The following CDH12 variants were observed in gnomAD, a reference collection of about 807,000 sequenced individuals.
CDH12 encodes the protein cadherin 12, also known as cadherin-12.
Under a neutral mutation model 74.1 loss-of-function variants are expected in CDH12, and 41 were observed. The observed-to-expected ratio is 0.55, with a 90% CI of 0.43 to 0.72. The LOEUF is 0.72. Among genes scored for constraint, CDH12 ranks in the 30% least tolerant of loss-of-function variants. The pLI, the probability that CDH12 is intolerant of heterozygous loss-of-function variation, is 0.00. For synonymous variants in CDH12, 399 were observed against 355.0 expected (o/e 1.12, Z -1.39); for missense variants, 945 against 977.2 (o/e 0.97, Z 0.44).
intron 1 of CDH12, among the ~76,000 whole-genome samples, chr5:22,598,391 A>T (rs1736699952): frequency 6.6e-6 from 1 of 152,072 alleles, no homozygotes; most frequent in African/African-American, 2.4e-5. Flanking sequence ...TTCGCATGAG[A>T]TCTGATGGTT....
At chr5:22,042,918 A>G (rs1405788549) in intron 5 of CDH12, among the ~76,000 whole-genome samples, 1 of 147,094 alleles carries the variant, frequency 6.8e-6, no homozygotes, top group Non-Finnish European at 1.5e-5. Context: ...AAAAATTCAT[A>G]ATAGACCTAT....
At chr5:22,099,524 G>A (rs1484721960) in intron 4 of CDH12, among the ~76,000 whole-genome samples, 3 of 152,120 alleles carry the variant, frequency 2.0e-5, no homozygotes, top group Non-Finnish European at 4.4e-5. Flanking sequence ...TTAGGCCCCA[G>A]TCTCATTCCA....
At chr5:22,247,487 C>A (rs764415088) in intron 3 of CDH12, among the ~76,000 whole-genome samples, 7 of 151,986 alleles carry the variant, frequency 4.6e-5, no homozygotes, top group Non-Finnish European at 8.8e-5. Context: ...CCAGCCTAGG[C>A]AATATGGTAA....
intron 4 of CDH12, among the ~76,000 whole-genome samples, chr5:22,184,116 T>C (rs1749799456): frequency 6.6e-6 from 1 of 152,100 alleles, no homozygotes; most frequent in African/African-American, 2.4e-5. Flanking sequence ...AGGCATGAAA[T>C]GTTTCTTAAC....
At chr5:21,873,291 T>C (rs1190332055) in intron 6 of CDH12, among the ~76,000 whole-genome samples, 1 of 152,168 alleles carries the variant, frequency 6.6e-6, no homozygotes, top group Non-Finnish European at 1.5e-5. Context: ...CAAACCCAAA[T>C]TCTTCCCCCT....
At chr5:22,724,438 G>A (rs141695343) in intron 1 of CDH12, among the ~76,000 whole-genome samples, 3 of 151,604 alleles carry the variant, frequency 2.0e-5, no homozygotes, top group Admixed American at 6.6e-5. Flanking sequence ...TTATGCCTTG[G>A]CATACTCATA....
intron 1 of CDH12, among the ~76,000 whole-genome samples, chr5:22,739,311 A>AATTTAT (rs777110061): frequency 0.081 from 10,519 of 129,956 alleles, 440 homozygotes; most frequent in African/African-American, 0.13. Context: ...GAATTTAAAA[A>AATTTAT]TTTTACTTTT....
intron 2 of CDH12, among the ~76,000 whole-genome samples, chr5:22,470,502 T>A (rs1745914865): frequency 6.6e-6 from 1 of 152,032 alleles, no homozygotes; most frequent in Non-Finnish European, 1.5e-5. Flanking sequence ...CACTGCAGCC[T>A]GGAACTCCTG....
At chr5:22,614,510 T>C (rs1276005238) in intron 1 of CDH12, among the ~76,000 whole-genome samples, 3 of 36,108 alleles carry the variant, frequency 8.3e-5, no homozygotes, top group African/African-American at 1.2e-4. Flanking sequence ...GGTGCTCATG[T>C]GGAAAGAGAT....
At chr5:22,132,440 G>A (rs757577732) in intron 4 of CDH12, among the ~76,000 whole-genome samples, 2 of 151,734 alleles carry the variant, frequency 1.3e-5, no homozygotes, top group African/African-American at 4.8e-5. Flanking sequence ...GTTATATTAC[G>A]CATCCACGAT....
intron 4 of CDH12, among the ~76,000 whole-genome samples, chr5:22,127,802 G>A (rs1745970065): frequency 6.6e-6 from 1 of 152,194 alleles, no homozygotes; most frequent in Non-Finnish European, 1.5e-5. Flanking sequence ...GCCTAAGGCT[G>A]TAGTACTGGA....
chr5:22,428,596 G>T (rs2126514797), intron 2 of CDH12, among the ~76,000 whole-genome samples: 1 of 152,266 alleles, frequency 6.6e-6, no homozygotes, highest in East Asian at 1.9e-4. Context: ...ATACACGACA[G>T]ATAGATGTAG....
At chr5:22,660,427 C>T (rs1326624106) in intron 1 of CDH12, among the ~76,000 whole-genome samples, 6 of 152,156 alleles carry the variant, frequency 3.9e-5, no homozygotes, top group Admixed American at 3.9e-4. Flanking sequence ...ATAATTACTA[C>T]GTTTAATCTC....
intron 2 of CDH12, among the ~76,000 whole-genome samples, chr5:22,436,439 T>TA (rs1273186434): frequency 5.3e-5 from 8 of 150,590 alleles, no homozygotes; most frequent in South Asian, 2.1e-4. Flanking sequence ...TAAAGTATAA[T>TA]AAAAAAAATA....
At chr5:22,377,714 C>T (rs181732137) in intron 3 of CDH12, among the ~76,000 whole-genome samples, 4 of 152,266 alleles carry the variant, frequency 2.6e-5, no homozygotes, top group African/African-American at 9.6e-5. Context: ...CTAACACTTA[C>T]TAAAGAAATG....
intron 1 of CDH12, among the ~76,000 whole-genome samples, chr5:22,704,735 C>T (rs1176090602): frequency 1.3e-5 from 2 of 151,930 alleles, no homozygotes; most frequent in African/African-American, 4.8e-5. Flanking sequence ...CTTTAGAGAA[C>T]TATAAACCTC....
At chr5:22,604,712 C>T (rs562606803) in intron 1 of CDH12, among the ~76,000 whole-genome samples, 9 of 152,200 alleles carry the variant, frequency 5.9e-5, no homozygotes, top group Non-Finnish European at 1.2e-4. Flanking sequence ...GCCTGTAGTC[C>T]TCTGGGGAGC....
At chr5:22,510,894 A>T (rs1294325448) in intron 1 of CDH12, among the ~76,000 whole-genome samples, 1 of 143,974 alleles carries the variant, frequency 6.9e-6, no homozygotes, top group East Asian at 2.0e-4. Flanking sequence ...AACATATATA[A>T]TTTTTTTTTT....
intron 5 of CDH12, among the ~76,000 whole-genome samples, chr5:21,982,414 T>G (rs1047424702): frequency 6.6e-6 from 1 of 151,920 alleles, no homozygotes; most frequent in Non-Finnish European, 1.5e-5. Flanking sequence ...TGTGAGCCAA[T>G]TCCTTATAAC....
Sources: allele counts gnomAD v4.1 joint callset (sites outside exome capture counted in the v4.1 genomes callset), GRCh38; gene constraint gnomAD v4.1.1; transcripts MANE v1.5; gene names NCBI Gene and HGNC (gene_info 2026-07-23, HGNC 2026-07-21).